Variants in CDC42BPB observed in about 807,000 individuals in gnomAD.
CDC42BPB encodes serine/threonine-protein kinase MRCK beta.
CDC42BPB carries 37 observed loss-of-function variants against 214.9 expected under a neutral mutation model. That is an observed-to-expected ratio of 0.17 (90% CI 0.13 to 0.23). CDC42BPB has a LOEUF of 0.23. Among genes scored for constraint, CDC42BPB ranks in the 10% least tolerant of loss-of-function variants. The pLI is 1.00. For synonymous variants in CDC42BPB, 931 were observed against 884.0 expected, an observed-to-expected ratio of 1.05 and a Z score of -0.94; for missense variants, 1,694 against 2,227.0, an observed-to-expected ratio of 0.76 and a Z score of 4.82.
chr14:103,049,134 C>A (rs1888464116), intron 1 of CDC42BPB, among the ~76,000 whole-genome samples: 1 of 152,162 alleles, frequency 6.6e-6, no homozygotes, highest in Admixed American at 6.5e-5. Flanking sequence ...AGTTCTAAGG[C>A]CTCTTCTACA....
At chr14:103,056,300 T>C (rs903339974) in intron 1 of CDC42BPB, among the ~76,000 whole-genome samples, 1 of 152,062 alleles carries the variant, frequency 6.6e-6, no homozygotes, top group Non-Finnish European at 1.5e-5. Flanking sequence ...CACGGTTTAT[T>C]TAAAATAAAG....
At chr14:102,957,351 C>T (rs1270540327) in intron 21 of CDC42BPB, among the ~76,000 whole-genome samples, 1 of 152,166 alleles carries the variant, frequency 6.6e-6, no homozygotes, top group Admixed American at 6.6e-5. Context: ...ATGGACAGTA[C>T]TGGCTGTAAA....
intron 1 of CDC42BPB, among the ~76,000 whole-genome samples, chr14:103,054,624 A>T (rs1888839688): frequency 6.6e-6 from 1 of 152,268 alleles, no homozygotes; most frequent in Non-Finnish European, 1.5e-5. Context: ...ACAATGACGT[A>T]TATGTTAACA....
chr14:103,042,396 C>T (rs1017009069), intron 1 of CDC42BPB, among the ~76,000 whole-genome samples: 3 of 152,058 alleles, frequency 2.0e-5, no homozygotes, highest in Non-Finnish European at 4.4e-5. Flanking sequence ...TGCAAGGCTC[C>T]GCCTCCCGGG....
chr14:102,992,154 C>T (rs1422558326), intron 5 of CDC42BPB, among the ~76,000 whole-genome samples: 1 of 152,086 alleles, frequency 6.6e-6, no homozygotes, highest in African/African-American at 2.4e-5. Context: ...GGGGGAGCCC[C>T]AAGGGGGCTT....
At position 103,001,704 on chromosome 14, in the gene CDC42BPB, G is replaced by A. The variant is rs576082236; in HGVS notation, c.448-1991C>T. ...CAGGCATTCCAGAGGGAGCGGCCCC[G>A]GCAGCTGACGGACACACACGGGGCC... On this transcript the variant is annotated intron_variant, in intron 4 of 36. Transcript: ENST00000361246. The surrounding 1 kb of genome is among the most constrained non-coding windows in gnomAD (Gnocchi z 5.8). 4.9e-4 allele frequency among the ~76,000 whole-genome samples: 75 copies of A among 152,310 alleles called. No individual in the cohort carries two copies. Among genetic ancestry groups the A allele is most frequent in the Non-Finnish European group, 6.9e-4 (47 of 68,018 alleles).
At chr14:103,041,419 C>CA in intron 1 of CDC42BPB, 1 of 730,300 alleles carries the variant, frequency 1.4e-6, no homozygotes, top group Non-Finnish European at 2.2e-6. Context: ...AAAAAAACAA[C>CA]AAAAAATATT....
intron 3 of CDC42BPB, among the ~76,000 whole-genome samples, chr14:103,006,732 A>G (rs1456710334): frequency 6.6e-6 from 1 of 152,248 alleles, no homozygotes; most frequent in East Asian, 1.9e-4. Context: ...ATTTATTTTT[A>G]TATCTCTTAC....
chr14:103,035,743 G>A (rs547045118), intron 1 of CDC42BPB, among the ~76,000 whole-genome samples: 83 of 152,270 alleles, frequency 5.5e-4, no homozygotes, highest in African/African-American at 1.8e-3. Context: ...AGGAGGCTGA[G>A]GCAGGAGAAT....
intron 1 of CDC42BPB, among the ~76,000 whole-genome samples, chr14:103,015,964 C>G (rs960528692): frequency 1.1e-4 from 17 of 152,080 alleles, no homozygotes; most frequent in African/African-American, 3.9e-4. Context: ...GATCCGCCCA[C>G]CTCGACCTCC....
chr14:103,039,973 T>A (rs898070502), intron 1 of CDC42BPB, among the ~76,000 whole-genome samples: 9 of 152,308 alleles, frequency 5.9e-5, no homozygotes, highest in Middle Eastern at 3.4e-3. Flanking sequence ...AAAAATCAAT[T>A]TACCTCAGGA....
intron 1 of CDC42BPB, among the ~76,000 whole-genome samples, chr14:103,054,158 C>T (rs1888810151): frequency 1.3e-5 from 2 of 152,206 alleles, no homozygotes; most frequent in Admixed American, 1.3e-4. Context: ...GCCACTGCAC[C>T]AGGCCATAAT....
intron 3 of CDC42BPB, among the ~76,000 whole-genome samples, chr14:103,007,564 G>A (rs556433875): frequency 7.0e-4 from 106 of 152,340 alleles, no homozygotes; most frequent in Non-Finnish European, 1.3e-3. Context: ...AGGTGGCCAC[G>A]TCGAGAGGTT....
At chr14:103,036,357 A>G (rs1159981463) in intron 1 of CDC42BPB, among the ~76,000 whole-genome samples, 13 of 151,682 alleles carry the variant, frequency 8.6e-5, no homozygotes. Context: ...GGGTTTCACC[A>G]TGTTAGCCAG....
intron 21 of CDC42BPB, chr14:102,956,556 A>G (rs1313354820): frequency 7.7e-6 from 2 of 260,474 alleles, no homozygotes; most frequent in Non-Finnish European, 1.2e-5. Context: ...GCGGCCAGGC[A>G]CGGTGGCTCA....
In CDC42BPB at chr14:102,933,683, T is replaced by C; in HGVS notation, c.*29A>G. The C allele has an allele frequency of 7.0e-7, 1 of 1,427,980 alleles. No homozygotes were observed. Among genetic ancestry groups the C allele is most frequent in the South Asian group, 1.6e-5 (1 of 62,186 alleles). 88.5% of individuals were successfully genotyped at this position (1,427,980 alleles called of 1,614,324 possible). ...ACTGACGCTGGAGGCCATCTCCAGC[T>C]CCCTGGCCCCTGTGGCGAGCTGGCG... On this transcript the variant is annotated 3_prime_UTR_variant, in exon 37 of 37. Transcript: ENST00000361246.
intron 5 of CDC42BPB, among the ~76,000 whole-genome samples, chr14:102,999,247 G>A (rs1272858782): frequency 6.6e-6 from 1 of 150,562 alleles, no homozygotes; most frequent in East Asian, 2.0e-4. Flanking sequence ...CGGGGCCCAC[G>A]TGAGCCCCAG....
In CDC42BPB at chr14:102,968,729, G is replaced by A. The variant is rs1043037543; in HGVS notation, c.1996-13C>T. 1 of 1,612,760 alleles carries A rather than the reference G, an allele frequency of 6.2e-7. No individual in the cohort carries two copies. The highest frequency in any genetic ancestry group is 8.5e-7 in the Non-Finnish European group (1 of 1,179,838). On this transcript the variant is annotated splice_polypyrimidine_tract_variant and intron_variant, in intron 14 of 36. Coordinates refer to ENST00000361246, the MANE Select transcript of CDC42BPB (RefSeq NM_006035.4). The stretch of plus-strand genomic sequence containing the variant: ...CTCCTTGCTTCACCTGAAGACAAAG[G>A]TTAACATAAATTGACAAACCTCTGT...
intron 18 of CDC42BPB, 100 bp from the exon 19 acceptor site, chr14:102,964,750 CG>C (rs1055828028): frequency 7.0e-7 from 1 of 1,424,816 alleles, no homozygotes; most frequent in African/African-American, 1.5e-5. Flanking sequence ...TAAGCCATTA[CG>C]GTCTCATTTA....
Sources: allele counts gnomAD v4.1 joint callset (sites outside exome capture counted in the v4.1 genomes callset), GRCh38; gene constraint gnomAD v4.1.1; non-coding constraint Gnocchi (gnomAD v3.1); transcripts MANE v1.5; gene names NCBI Gene and HGNC (gene_info 2026-07-23, HGNC 2026-07-21).